The following CPPED1 variants were observed in gnomAD, a reference collection of about 807,000 sequenced individuals.
CPPED1 encodes serine/threonine-protein phosphatase CPPED1.
Under a neutral mutation model 28.0 loss-of-function variants are expected in CPPED1, and 28 were observed. The ratio of observed to expected loss-of-function variants is 1.00; its 90% CI spans 0.74 to 1.37. The LOEUF (loss-of-function observed/expected upper bound fraction) is 1.37. CPPED1 is among the 40% of genes most tolerant of loss of function. CPPED1 has a pLI of 0.00. For missense variants in CPPED1, 504 were observed against 416.5 expected (o/e 1.21, Z -1.83); for synonymous variants, 198 against 180.2 (o/e 1.10, Z -0.79).
intron 3 of CPPED1, among the ~76,000 whole-genome samples, chr16:12,679,046 C>A (rs950259895): frequency 1.3e-5 from 2 of 152,146 alleles, no homozygotes; most frequent in East Asian, 3.8e-4. Context: ...AAATACCCAA[C>A]AAGGATTTGA....
rs1183141307 is a variant in CPPED1 at position 12,723,728 on chromosome 16, G to C, written c.290-18679C>G. Among the ~76,000 whole-genome samples, 3 of 152,210 alleles carry C rather than the reference G, an allele frequency of 2.0e-5. No individual in the cohort carries two copies. In the East Asian group the frequency reaches 5.8e-4, roughly 29 times the overall value. On this transcript the variant is annotated intron_variant, in intron 2 of 3. Coordinates refer to ENST00000381774, the MANE Select transcript of CPPED1 (RefSeq NM_018340.3). The stretch of plus-strand genomic sequence containing the variant: ...ACGACAGTGAGGTGTGGTCGGAGCA[G>C]CTGTGCTTCTCTTACCTGAAGCCTC...
At chr16:12,786,958 T>A (rs529089698) in intron 1 of CPPED1, among the ~76,000 whole-genome samples, 2 of 152,342 alleles carry the variant, frequency 1.3e-5, no homozygotes, top group East Asian at 3.9e-4. Context: ...TAGTATGTTC[T>A]AATTTATTAC....
Position 12,704,661 on chromosome 16 carries a change from G to A in CPPED1, c.678C>T (p.Ser226=). ...ACTTGTCTGCCAACTTCTTCCGAGT[G>A]GACTTGCTGAGGTTGAAGTAGTAGT... is the stretch of plus-strand genomic sequence containing the variant. ...DDDYYFNLSK[S]TRKKLADKFI... is the part of the protein sequence containing the mutation. The change falls in exon 3 of 4, where the codon TCC becomes TCT. Residue 226 remains serine, a synonymous_variant. Transcript: ENST00000381774. 1 of 1,613,204 alleles carries A rather than the reference G, an allele frequency of 6.2e-7. No homozygotes were observed. Among genetic ancestry groups the A allele is most frequent in the South Asian group, 1.1e-5 (1 of 91,046 alleles).
intron 3 of CPPED1, among the ~76,000 whole-genome samples, chr16:12,675,629 T>A (rs755483876): frequency 4.5e-4 from 69 of 152,242 alleles, no homozygotes; most frequent in Admixed American, 3.9e-4. Context: ...CCTTCTTTAA[T>A]GCCTTGGTGT....
rs2079910596 is a variant in CPPED1 at position 12,682,512 on chromosome 16, G to A, written c.716-17397C>T. On this transcript the variant is annotated intron_variant, in intron 3 of 3. Coordinates refer to ENST00000381774, the MANE Select transcript of CPPED1 (RefSeq NM_018340.3). The surrounding 1 kb of genome is among the most constrained non-coding windows in gnomAD (Gnocchi z 6.1). ...CTGGGGTGGGAGCTAGGGGTTGGGA[G>A]ACTCAGGCGTGAACCTCAGTTCTGC... Among the ~76,000 whole-genome samples the A allele has an allele frequency of 6.6e-6, 1 of 152,184 alleles. No homozygotes were observed. Among genetic ancestry groups the A allele is most frequent in the Admixed American group, 6.5e-5 (1 of 15,286 alleles).
chr16:12,723,575 G>C (rs1387608071), intron 2 of CPPED1, among the ~76,000 whole-genome samples: 3 of 152,108 alleles, frequency 2.0e-5, no homozygotes, highest in Admixed American at 6.6e-5. Context: ...GGAAGGAATC[G>C]ATCTACCAAC....
At chr16:12,792,240 G>A (rs113255964) in intron 1 of CPPED1, among the ~76,000 whole-genome samples, 3,453 of 152,166 alleles carry the variant, frequency 0.023, 88 homozygotes, top group African/African-American at 0.064. Flanking sequence ...GGCCTGAACC[G>A]CTATGCCTGG....
chr16:12,677,311 C>T (rs1227796206), intron 3 of CPPED1, among the ~76,000 whole-genome samples: 2 of 152,192 alleles, frequency 1.3e-5, no homozygotes, highest in Non-Finnish European at 2.9e-5. Flanking sequence ...CTGCATGGGG[C>T]TATAGACTGG....
chr16:12,660,903 A>C lies in CPPED1; in HGVS notation c.*3983T>G, dbSNP rs924768603. 2 of 152,434 alleles carry C rather than the reference A, an allele frequency of 1.3e-5. No homozygotes were observed. The highest frequency in any genetic ancestry group is 4.8e-5 in the African/African-American group (2 of 41,466). The allele number at this position is 152,434 out of a possible 1,614,324, so 9.4% of individuals were successfully genotyped here. On this transcript the variant is annotated 3_prime_UTR_variant, in exon 4 of 4. Transcript: ENST00000381774. ...CAAGGTGGAAGGACTGCTTGGGGCC[A>C]GGAGTTCAAGACCAGCCTGGGTAAC...
chr16:12,680,389 C>G lies in CPPED1; in HGVS notation c.716-15274G>C, dbSNP rs899109743. Among the ~76,000 whole-genome samples, 6 of 152,132 alleles carry G rather than the reference C, an allele frequency of 3.9e-5. No individual in the cohort carries two copies. In the South Asian group the frequency reaches 8.3e-4, roughly 21 times the overall value. On this transcript the variant is annotated intron_variant, in intron 3 of 3. Coordinates refer to ENST00000381774, the MANE Select transcript of CPPED1 (RefSeq NM_018340.3). ...TCAGAAGGTGGAACAAAAGCTTTCC[C>G]TCTGCCCCCACACTGCTATGTAAAA...
intron 3 of CPPED1, among the ~76,000 whole-genome samples, chr16:12,697,030 T>C (rs968144213): frequency 1.3e-4 from 20 of 152,118 alleles, no homozygotes; most frequent in African/African-American, 3.1e-4. Flanking sequence ...TTTATTTTTA[T>C]TTTTTATTTT....
intron 2 of CPPED1, among the ~76,000 whole-genome samples, chr16:12,743,327 C>A (rs1394993241): frequency 6.6e-6 from 1 of 152,170 alleles, no homozygotes; most frequent in African/African-American, 2.4e-5. Context: ...ATCCCCACCA[C>A]ACAAAAGCCA....
intron 2 of CPPED1, among the ~76,000 whole-genome samples, chr16:12,738,644 C>T (rs894252321): frequency 6.6e-6 from 1 of 152,108 alleles, no homozygotes; most frequent in African/African-American, 2.4e-5. Context: ...GCCTTACCTA[C>T]TTAAACAGGA....
intron 2 of CPPED1, among the ~76,000 whole-genome samples, chr16:12,719,917 C>T (rs1234813823): frequency 6.6e-6 from 1 of 151,502 alleles, no homozygotes; most frequent in East Asian, 1.9e-4. Flanking sequence ...GCCTAGGCGA[C>T]AAGAGCAAAA....
At chr16:12,737,731 G>T (rs558218902) in intron 2 of CPPED1, among the ~76,000 whole-genome samples, 40 of 152,330 alleles carry the variant, frequency 2.6e-4, no homozygotes, top group African/African-American at 9.6e-4. Context: ...GAGAAGAAAA[G>T]GGACACTGGA....
Position 12,704,435 on chromosome 16 carries a change from G to A in CPPED1, c.715+189C>T, listed in dbSNP as rs183418670. ...CTATTACTATTCCTGTTTTATAGAC[G>A]AGGAAACTGAGGCACAGGAGGATTA... On this transcript the variant is annotated intron_variant, in intron 3 of 3. Coordinates refer to ENST00000381774, the MANE Select transcript of CPPED1 (RefSeq NM_018340.3). Among the ~76,000 whole-genome samples, 298 of 152,262 alleles carry A rather than the reference G, an allele frequency of 2.0e-3. 1 individual carries two copies. The highest frequency in any genetic ancestry group is 6.8e-3 in the Middle Eastern group (2 of 294).
At chr16:12,802,459 G>A (rs1255002864) in intron 1 of CPPED1, among the ~76,000 whole-genome samples, 1 of 152,050 alleles carries the variant, frequency 6.6e-6, no homozygotes, top group African/African-American at 2.4e-5. Flanking sequence ...AAATTAGCCG[G>A]GCGTGGTGGT....
chr16:12,724,086 C>T (rs1319058929), intron 2 of CPPED1, among the ~76,000 whole-genome samples: 3 of 152,174 alleles, frequency 2.0e-5, no homozygotes, highest in Admixed American at 6.5e-5. Flanking sequence ...AAACCACCCC[C>T]CACTCCGGCC....
chr16:12,716,896 G>A (rs1425759125), intron 2 of CPPED1, among the ~76,000 whole-genome samples: 2 of 151,508 alleles, frequency 1.3e-5, no homozygotes, highest in Non-Finnish European at 2.9e-5. Flanking sequence ...CATGAGTTAT[G>A]AAGTTACGAC....
Sources: allele counts gnomAD v4.1 joint callset (sites outside exome capture counted in the v4.1 genomes callset), GRCh38; gene constraint gnomAD v4.1.1; non-coding constraint Gnocchi (gnomAD v3.1); transcripts MANE v1.5; gene names NCBI Gene and HGNC (gene_info 2026-07-23, HGNC 2026-07-21).